PLD1: variants seen among roughly 807,000 people sequenced by gnomAD.
PLD1 encodes phospholipase D1, also known as choline phosphatase 1.
Under a neutral mutation model 137.1 loss-of-function variants are expected in PLD1, and 112 were observed. The observed-to-expected ratio is 0.82, with a 90% CI of 0.70 to 0.96. The LOEUF is 0.96. PLD1 is among the 40% of genes least tolerant of loss of function. PLD1 has a pLI of 0.00. For missense variants in PLD1, 1,321 were observed against 1,342.0 expected, an observed-to-expected ratio of 0.98 and a Z score of 0.24; for synonymous variants, 431 against 454.7, an observed-to-expected ratio of 0.95 and a Z score of 0.66.
At chr3:171,650,642 C>CTTT (rs983038955) in intron 21 of PLD1, among the ~76,000 whole-genome samples, 2 of 152,192 alleles carry the variant, frequency 1.3e-5, no homozygotes, top group African/African-American at 4.8e-5. Context: ...AAAACTAAAA[C>CTTT]TAAAACCCCT....
rs370474045 is a variant in PLD1 at position 171,612,303 on chromosome 3, C to T, written c.2858G>A (p.Arg953Gln). 1.8e-5 allele frequency: 29 copies of T among 1,613,994 alleles called. No homozygotes were observed. In the African/African-American group the frequency reaches 2.0e-4, roughly 11 times the overall value. ...CCTAAAGCACTGTAGCCGAAGTCCT[C>T]GGGCAAACCGGCCAGCTTGGTACTC... Reference protein sequence around the residue: ...GKEYQAGRFARGLRLQCFRVV... With the variant: ...GKEYQAGRFAQGLRLQCFRVV... The change falls in exon 25 of 27, where the codon CGA becomes CAA. Residue 953 changes from arginine to glutamine, a missense_variant. Physicochemically the swap from Arg to Gln is conservative, Grantham distance 43. Coordinates refer to ENST00000351298, the MANE Select transcript of PLD1 (RefSeq NM_002662.5). This position sits in a 1 kb window ranked among gnomAD's most constrained non-coding sequence, Gnocchi z 4.1.
intron 12 of PLD1, among the ~76,000 whole-genome samples, chr3:171,696,314 G>C (rs1406878762): frequency 6.6e-6 from 1 of 152,220 alleles, no homozygotes; most frequent in African/African-American, 2.4e-5. Context: ...TTTGAGTTGT[G>C]AACAGTCTGC....
chr3:171,735,461 A>T (rs1719285946), intron 4 of PLD1, 31 bp downstream of exon 4: 1 of 1,590,002 alleles, frequency 6.3e-7, no homozygotes, highest in South Asian at 1.1e-5. Context: ...TTCAACTTGT[A>T]TACTGGCATA....
intron 1 of PLD1, among the ~76,000 whole-genome samples, chr3:171,782,334 G>C (rs939561919): frequency 6.6e-6 from 1 of 152,174 alleles, no homozygotes; most frequent in Non-Finnish European, 1.5e-5. Flanking sequence ...GATTGCAGAG[G>C]TGGTACATGC....
At chr3:171,654,172 G>A (rs766899570) in intron 21 of PLD1, 50 of 349,616 alleles carry the variant, frequency 1.4e-4, no homozygotes, top group Non-Finnish European at 2.2e-4. Flanking sequence ...GTGTGGTGGC[G>A]GGTGCCTGTA....
chr3:171,778,816 T>A (rs772847303), intron 1 of PLD1, among the ~76,000 whole-genome samples: 5 of 152,200 alleles, frequency 3.3e-5, no homozygotes, highest in East Asian at 1.9e-4. Flanking sequence ...TCCTTAAATA[T>A]AATGAAAAGG....
intron 5 of PLD1, 42 bp downstream of exon 5, chr3:171,734,823 G>A: frequency 3.1e-6 from 4 of 1,277,968 alleles, no homozygotes; most frequent in Non-Finnish European, 1.1e-6. Context: ...CTACAGCACT[G>A]CAAAATTAGG....
chr3:171,758,639 T>G (rs1014163786), intron 1 of PLD1, among the ~76,000 whole-genome samples: 3 of 152,160 alleles, frequency 2.0e-5, no homozygotes, highest in Non-Finnish European at 4.4e-5. Flanking sequence ...AGACACTGGT[T>G]TAGACTAGAT....
At chr3:171,628,044 A>C (rs865928224) in intron 23 of PLD1, among the ~76,000 whole-genome samples, 2 of 151,774 alleles carry the variant, frequency 1.3e-5, no homozygotes, top group African/African-American at 4.8e-5. Flanking sequence ...GACACAAAAA[A>C]CCCTTCAAAA....
rs73176176 is a variant in PLD1, at chr3:171,771,853, T to C, written c.-31-33771A>G. ...AATCCAACGATTAACATAAGTTCAA[T>C]AGGAAATTTTGTCAAAGAACCTTCT... On this transcript the variant is annotated intron_variant, in intron 1 of 26. Coordinates refer to ENST00000351298, the MANE Select transcript of PLD1 (RefSeq NM_002662.5). Among the ~76,000 whole-genome samples the C allele has an allele frequency of 2.7e-3, 415 of 152,352 alleles. 6 individuals carry two copies. The highest frequency in any genetic ancestry group is 0.023 in the South Asian group (113 of 4,832).
At chr3:171,694,600 T>C (rs1715512529) in intron 12 of PLD1, among the ~76,000 whole-genome samples, 1 of 150,284 alleles carries the variant, frequency 6.7e-6, no homozygotes, top group Non-Finnish European at 1.5e-5. Flanking sequence ...ATACAAAGGG[T>C]AAAACCCAAA....
chr3:171,798,019 A>G (rs1033950790), intron 1 of PLD1, among the ~76,000 whole-genome samples: 4 of 152,230 alleles, frequency 2.6e-5, no homozygotes, highest in Admixed American at 2.6e-4. Context: ...CTGACCCTTA[A>G]AATGTGAAAC....
intron 1 of PLD1, among the ~76,000 whole-genome samples, chr3:171,799,331 T>G (rs1306925810): frequency 1.2e-5 from 1 of 85,028 alleles, no homozygotes; most frequent in Non-Finnish European, 2.0e-5. Context: ...AGAACGAGAC[T>G]CCGTCTAAAA....
intron 1 of PLD1, among the ~76,000 whole-genome samples, chr3:171,766,287 G>A (rs1468650069): frequency 3.3e-5 from 5 of 152,036 alleles, no homozygotes; most frequent in Non-Finnish European, 2.9e-5. Context: ...TTTTCTCCAT[G>A]AATAGTTTTT....
chr3:171,662,586 G>A (rs1428651812), intron 19 of PLD1, among the ~76,000 whole-genome samples: 2 of 152,124 alleles, frequency 1.3e-5, no homozygotes, highest in Non-Finnish European at 2.9e-5. Flanking sequence ...TGTTGTTCTG[G>A]TGCATTTATT....
At chr3:171,758,965 A>G (rs1485747129) in intron 1 of PLD1, among the ~76,000 whole-genome samples, 2 of 152,250 alleles carry the variant, frequency 1.3e-5, no homozygotes, top group Non-Finnish European at 2.9e-5. Context: ...GCAAATACAG[A>G]ATCACTCATC....
chr3:171,747,159 G>A (rs1479243955), intron 1 of PLD1, among the ~76,000 whole-genome samples: 3 of 152,176 alleles, frequency 2.0e-5, no homozygotes, highest in South Asian at 4.1e-4. Flanking sequence ...ACATCAGAAG[G>A]AACAAACTCC....
intron 1 of PLD1, among the ~76,000 whole-genome samples, chr3:171,745,357 GAGT>G (rs1290426761): frequency 6.6e-6 from 1 of 152,232 alleles, no homozygotes; most frequent in African/African-American, 2.4e-5. Flanking sequence ...GCACAGTTGT[GAGT>G]GGTGGGACTG....
chr3:171,735,096 G>T, intron 4 of PLD1, 126 bp from the exon 5 acceptor site: 1 of 628,736 alleles, frequency 1.6e-6, no homozygotes. Flanking sequence ...ACCAACAATA[G>T]ACTAGTTAGC....
Sources: gnomAD v4.1 joint callset for allele counts (sites outside exome capture counted in the v4.1 genomes callset) on GRCh38, gnomAD v4.1.1 for gene constraint, Gnocchi (gnomAD v3.1) non-coding constraint, MANE v1.5 for transcripts, NCBI Gene and HGNC (gene_info 2026-07-23, HGNC 2026-07-21) for gene names.